Variants in SORL1 observed in about 807,000 individuals in gnomAD.
SORL1 encodes the protein sortilin-related receptor.
A neutral mutation model predicts 273.7 loss-of-function variants in SORL1; 127 were observed. The observed-to-expected ratio is 0.46, with a 90% CI of 0.40 to 0.54. The LOEUF (loss-of-function observed/expected upper bound fraction) is 0.54. Among genes scored for constraint, SORL1 ranks in the 20% least tolerant of loss-of-function variants. The pLI, the probability that SORL1 is intolerant of heterozygous loss-of-function variation, is 0.00. For missense variants in SORL1, 2,494 were observed against 2,846.1 expected (o/e 0.88, Z 2.81); for synonymous variants, 1,031 against 1,067.4 (o/e 0.97, Z 0.66).
chr11:121,473,044 G>A (rs1861196196), intron 2 of SORL1, among the ~76,000 whole-genome samples: 1 of 152,178 alleles, frequency 6.6e-6, no homozygotes, highest in African/African-American at 2.4e-5. Context: ...GGCAGAAATG[G>A]CCTTCCTCTC....
chr11:121,603,127 T>C (rs1216143267), intron 32 of SORL1, among the ~76,000 whole-genome samples: 3 of 152,210 alleles, frequency 2.0e-5, no homozygotes, highest in Admixed American at 6.5e-5. Flanking sequence ...TACCTATGGG[T>C]CCTTAATCTA....
intron 28 of SORL1, among the ~76,000 whole-genome samples, chr11:121,588,367 A>G (rs777647872): frequency 6.6e-6 from 1 of 152,152 alleles, no homozygotes; most frequent in African/African-American, 2.4e-5. Context: ...TTTGTTGCTT[A>G]AGGAATCCTG....
At chr11:121,480,872 T>C (rs28391691) in intron 3 of SORL1, among the ~76,000 whole-genome samples, 169 of 110,666 alleles carry the variant, frequency 1.5e-3, no homozygotes, top group South Asian at 2.4e-3. Context: ...CCATCTCTTC[T>C]TCCCCAGCTT....
chr11:121,604,104 A>G (rs776452495), intron 32 of SORL1, 89 bp from the exon 33 acceptor site: 83 of 1,494,988 alleles, frequency 5.6e-5, no homozygotes, highest in Non-Finnish European at 7.6e-5. Context: ...GCCAATTAGT[A>G]CTTTGCCTAA....
intron 25 of SORL1, 80 bp downstream of exon 25, chr11:121,577,480 A>G (rs1862951314): frequency 7.2e-7 from 1 of 1,392,384 alleles, no homozygotes; most frequent in Non-Finnish European, 9.5e-7. Flanking sequence ...CGATCGGAAA[A>G]TCTAGGCTCT....
At chr11:121,547,321 A>G (rs1285074506) in intron 14 of SORL1, among the ~76,000 whole-genome samples, 4 of 123,658 alleles carry the variant, frequency 3.2e-5, no homozygotes, top group Admixed American at 8.9e-5. Context: ...AAAGTCTAAC[A>G]AATCTTTGGG....
intron 11 of SORL1, among the ~76,000 whole-genome samples, chr11:121,531,728 C>T (rs1862204744): frequency 6.6e-6 from 1 of 152,216 alleles, no homozygotes; most frequent in Non-Finnish European, 1.5e-5. Flanking sequence ...ACGTACACTT[C>T]AGGGGTTAGG....
intron 5 of SORL1, among the ~76,000 whole-genome samples, chr11:121,494,394 A>G (rs1266747246): frequency 1.3e-5 from 2 of 152,178 alleles, no homozygotes; most frequent in Admixed American, 6.5e-5. Flanking sequence ...GAGCAGCAGG[A>G]GTGGGAAAGC....
In SORL1 at chr11:121,627,939, T is replaced by A. The variant is rs1457357287; in HGVS notation, c.6577+172T>A. Reference sequence around the variant, plus strand: ...GTTAAACCATTCAGAGCCCTCACTTTTTAACTTTTAAGTTAAATTAAAATG... The same window carrying A: ...GTTAAACCATTCAGAGCCCTCACTTATTAACTTTTAAGTTAAATTAAAATG... On this transcript the variant is annotated intron_variant, in intron 47 of 47. Transcript: ENST00000260197. This position sits in a 1 kb window ranked among gnomAD's most constrained non-coding sequence, Gnocchi z 4.9. Among the ~76,000 whole-genome samples the A allele has an allele frequency of 1.3e-5, 2 of 152,224 alleles. No individual in the cohort carries two copies. The highest frequency in any genetic ancestry group is 6.5e-5 in the Admixed American group (1 of 15,286).
chr11:121,583,543 G>C lies in SORL1; in HGVS notation c.3666G>C (p.Thr1222=), dbSNP rs141401572. ...AGCGGTGGGCGTGTGACGGGGATACGGACTGCCAGGATGGTTCCGATGAGG... is the reference window on the plus strand; with the variant it reads ...AGCGGTGGGCGTGTGACGGGGATACCGACTGCCAGGATGGTTCCGATGAGG... ...IPQRWACDGD[T]DCQDGSDEDP... Residue 1222 remains threonine (T), a synonymous_variant, in exon 26 of 48, where the codon ACG becomes ACC. Transcript: ENST00000260197. 150 of 1,612,282 alleles carry C rather than the reference G, an allele frequency of 9.3e-5. No homozygotes were observed. Among genetic ancestry groups the C allele is most frequent in the Non-Finnish European group, 1.2e-4 (139 of 1,179,278 alleles).
chr11:121,487,058 G>A (rs922305438), intron 3 of SORL1, among the ~76,000 whole-genome samples: 1 of 152,134 alleles, frequency 6.6e-6, no homozygotes, highest in Non-Finnish European at 1.5e-5. Flanking sequence ...CTTTCCCTGT[G>A]GGAGTCTCAC....
chr11:121,606,702 G>T (rs572576259), intron 35 of SORL1, 143 bp from the exon 36 acceptor site: 2 of 636,782 alleles, frequency 3.1e-6, no homozygotes, highest in Non-Finnish European at 5.7e-6. Context: ...TTTTCAATGT[G>T]ACGACCAAGC....
intron 1 of SORL1, among the ~76,000 whole-genome samples, chr11:121,454,051 A>G (rs537400300): frequency 2.0e-5 from 3 of 152,378 alleles, no homozygotes; most frequent in East Asian, 1.9e-4. Flanking sequence ...AGGAACCTGC[A>G]TGCTCAGTTC....
chr11:121,495,005 C>T lies in SORL1; in HGVS notation c.759-1864C>T, dbSNP rs946234878. ...GTGTTCTCCCACACTAGGACCAAAG[C>T]TGCTGGTTTCTCCGTTGCCCTAAGA... On this transcript the variant is annotated intron_variant, in intron 5 of 47. Coordinates refer to ENST00000260197, the MANE Select transcript of SORL1 (RefSeq NM_003105.6). 3.9e-5 allele frequency among the ~76,000 whole-genome samples: 6 copies of T among 152,224 alleles called. No homozygotes were observed. The East Asian group carries it at 1.2e-3, about 29-fold the overall frequency.
intron 23 of SORL1, among the ~76,000 whole-genome samples, chr11:121,571,660 A>G (rs1234251850): frequency 6.6e-6 from 1 of 152,240 alleles, no homozygotes; most frequent in African/African-American, 2.4e-5. Context: ...CTCCCCTGCC[A>G]CTTCACCCAG....
intron 41 of SORL1, among the ~76,000 whole-genome samples, chr11:121,618,397 G>A (rs1482603635): frequency 6.6e-6 from 1 of 152,144 alleles, no homozygotes; most frequent in African/African-American, 2.4e-5. Context: ...CGTCTGTGCT[G>A]CCAATGGTAG....
intron 2 of SORL1, among the ~76,000 whole-genome samples, chr11:121,473,721 C>A (rs951869579): frequency 6.6e-6 from 1 of 152,066 alleles, no homozygotes; most frequent in Admixed American, 6.6e-5. Context: ...ATGGTGAAAC[C>A]CTGTCTCTAC....
intron 2 of SORL1, among the ~76,000 whole-genome samples, chr11:121,472,347 G>A (rs1340864087): frequency 1.3e-5 from 2 of 152,152 alleles, no homozygotes; most frequent in East Asian, 3.8e-4. Flanking sequence ...TTTTTGTGAG[G>A]TAGATAAAGA....
chr11:121,467,843 C>A (rs1306422940), intron 1 of SORL1, among the ~76,000 whole-genome samples: 1 of 152,082 alleles, frequency 6.6e-6, no homozygotes, highest in African/African-American at 2.4e-5. Flanking sequence ...TAGTGCTTGC[C>A]TGGACTTCTC....
Sources: allele counts gnomAD v4.1 joint callset (sites outside exome capture counted in the v4.1 genomes callset), GRCh38; gene constraint gnomAD v4.1.1; non-coding constraint Gnocchi (gnomAD v3.1); transcripts MANE v1.5; gene names NCBI Gene and HGNC (gene_info 2026-07-23, HGNC 2026-07-21).